Variants in NPAS3 observed in about 807,000 individuals in gnomAD.
NPAS3 encodes the protein neuronal PAS domain-containing protein 3.
NPAS3 carries 14 observed loss-of-function variants against 73.1 expected under a neutral mutation model. The ratio of observed to expected loss-of-function variants is 0.19; its 90% CI spans 0.13 to 0.30. The LOEUF is 0.30. Ranked by LOEUF, NPAS3 falls within the 10% of genes least tolerant of loss-of-function variation. The pLI, the probability that NPAS3 is intolerant of heterozygous loss-of-function variation, is 1.00. For missense variants in NPAS3, 1,096 were observed against 1,250.0 expected, an observed-to-expected ratio of 0.88 and a Z score of 1.86; for synonymous variants, 620 against 541.5, an observed-to-expected ratio of 1.14 and a Z score of -2.01.
rs560915809 is a variant in NPAS3, at chr14:33,131,599, C to T, written c.140+75605C>T. On this transcript the variant is annotated intron_variant, in intron 2 of 11. Transcript: ENST00000356141. ...AGAGAAACAGCTATTAGTTTATAGT[C>T]CCTTTTTTGTCATCTAATAATCCTA... Among the ~76,000 whole-genome samples the T allele has an allele frequency of 1.7e-4, 26 of 152,214 alleles. No homozygotes were observed. In the South Asian group the frequency reaches 5.4e-3, roughly 32 times the overall value.
chr14:32,974,178 A>G (rs536937874), intron 1 of NPAS3, among the ~76,000 whole-genome samples: 2 of 152,330 alleles, frequency 1.3e-5, no homozygotes, highest in South Asian at 2.1e-4. Flanking sequence ...CTAAGTGACA[A>G]AAGAAGTTAT....
chr14:33,472,534 G>C (rs950398150), intron 4 of NPAS3, among the ~76,000 whole-genome samples: 1 of 151,528 alleles, frequency 6.6e-6, no homozygotes, highest in Non-Finnish European at 1.5e-5. Context: ...CTAACAGACT[G>C]TTGAGAATAG....
intron 2 of NPAS3, among the ~76,000 whole-genome samples, chr14:33,133,103 C>G (rs539065542): frequency 1.5e-4 from 23 of 152,258 alleles, no homozygotes; most frequent in African/African-American, 4.3e-4. Flanking sequence ...TATCTGTATT[C>G]TGTCCAGTAG....
Position 33,800,457 on chromosome 14 carries a change from C to A in NPAS3, c.2150C>A (p.Thr717Asn). The A allele has an allele frequency of 7.2e-6, 11 of 1,524,258 alleles. No individual in the cohort carries two copies. Among genetic ancestry groups the A allele is most frequent in the Non-Finnish European group, 8.8e-6 (10 of 1,141,938 alleles). The allele number at this position is 1,524,258 out of a possible 1,614,324, so 94.4% of individuals were successfully genotyped here. A position where few individuals can be genotyped will look rare whatever the true frequency, so the allele number is the denominator to read the frequency against. Reference sequence around the variant, plus strand: ...GTGGCCATTCCCGACTCGGTCCTCACCCCGCCCGGCGCCGACGGCGCGGCC... The same window carrying A: ...GTGGCCATTCCCGACTCGGTCCTCAACCCGCCCGGCGCCGACGGCGCGGCC... The change falls in exon 12 of 12, where the codon ACC (threonine) becomes AAC (asparagine). Residue 717 changes from threonine to asparagine, a missense_variant. Thr to Asn is a moderately conservative substitution (Grantham distance 65, BLOSUM62 0). Coordinates refer to ENST00000356141, the Ensembl canonical transcript of NPAS3. The surrounding 1 kb of genome is among the most constrained non-coding windows in gnomAD (Gnocchi z 6.5).
At chr14:33,378,964 T>C (rs72680140) in intron 4 of NPAS3, among the ~76,000 whole-genome samples, 29,578 of 152,198 alleles carry the variant, frequency 0.19, 3,754 homozygotes, top group Non-Finnish European at 0.29. Context: ...GCTTCAAAGA[T>C]GAAACTTTTT....
chr14:33,135,110 T>C (rs1481961464), intron 2 of NPAS3, among the ~76,000 whole-genome samples: 1 of 152,220 alleles, frequency 6.6e-6, no homozygotes, highest in Non-Finnish European at 1.5e-5. Flanking sequence ...TGTAATCCTG[T>C]CTATTGTGAA....
chr14:33,333,450 C>T (rs2140284412), intron 3 of NPAS3, among the ~76,000 whole-genome samples: 1 of 152,214 alleles, frequency 6.6e-6, no homozygotes, highest in South Asian at 2.1e-4. Context: ...CACATGCAAA[C>T]CTTATGAAGT....
intron 3 of NPAS3, among the ~76,000 whole-genome samples, chr14:33,324,472 C>T (rs2043600799): frequency 6.6e-6 from 1 of 152,156 alleles, no homozygotes; most frequent in East Asian, 1.9e-4. Flanking sequence ...TCGGATTGCC[C>T]TTTCAGGATT....
intron 6 of NPAS3, among the ~76,000 whole-genome samples, chr14:33,726,169 T>C (rs1001156910): frequency 2.0e-5 from 3 of 152,226 alleles, no homozygotes; most frequent in African/African-American, 7.2e-5. Flanking sequence ...AAATGTATCA[T>C]TTATTCACTG....
At chr14:33,498,976 G>A (rs1292502867) in intron 4 of NPAS3, among the ~76,000 whole-genome samples, 2 of 150,140 alleles carry the variant, frequency 1.3e-5, no homozygotes, top group African/African-American at 4.9e-5. Flanking sequence ...GTGTGTGTGT[G>A]TGTGTGTGTG....
At chr14:33,022,419 C>G (rs1274132306) in intron 1 of NPAS3, among the ~76,000 whole-genome samples, 4 of 152,108 alleles carry the variant, frequency 2.6e-5, no homozygotes, top group Non-Finnish European at 5.9e-5. Flanking sequence ...AATCCCAGCA[C>G]TTTGGGAGGC....
chr14:33,717,528 T>A (rs915820345), intron 6 of NPAS3, among the ~76,000 whole-genome samples: 25 of 152,158 alleles, frequency 1.6e-4, no homozygotes, highest in African/African-American at 6.0e-4. Context: ...TAATAAATAC[T>A]CATTTCATAA....
chr14:33,092,820 C>A (rs1411868741), intron 2 of NPAS3, among the ~76,000 whole-genome samples: 3 of 152,168 alleles, frequency 2.0e-5, no homozygotes, highest in Non-Finnish European at 1.5e-5. Flanking sequence ...CAACACACAT[C>A]TACAACCATC....
chr14:32,945,260 A>C (rs950708950), intron 1 of NPAS3, among the ~76,000 whole-genome samples: 1 of 152,210 alleles, frequency 6.6e-6, no homozygotes, highest in Non-Finnish European at 1.5e-5. Context: ...CTCCTGGAGG[A>C]CAGAGAGAGA....
At chr14:33,432,637 G>T (rs758754660) in intron 4 of NPAS3, among the ~76,000 whole-genome samples, 5 of 152,048 alleles carry the variant, frequency 3.3e-5, no homozygotes, top group African/African-American at 9.7e-5. Flanking sequence ...TCACATGCAC[G>T]CATATATTTA....
intron 2 of NPAS3, among the ~76,000 whole-genome samples, chr14:33,057,269 G>A (rs187506626): frequency 5.1e-4 from 78 of 152,040 alleles, no homozygotes; most frequent in South Asian, 2.1e-3. Flanking sequence ...AGTTTTATCC[G>A]AACTGGTATA....
chr14:33,641,441 A>G (rs1567079491), intron 5 of NPAS3, among the ~76,000 whole-genome samples: 1 of 152,230 alleles, frequency 6.6e-6, no homozygotes, highest in Non-Finnish European at 1.5e-5. Context: ...AGATTAGCCT[A>G]CCTAACAAAC....
At chr14:33,449,440 C>G (rs892758155) in intron 4 of NPAS3, among the ~76,000 whole-genome samples, 2 of 152,078 alleles carry the variant, frequency 1.3e-5, no homozygotes, top group Admixed American at 1.3e-4. Context: ...GTAGTTGCAA[C>G]GGAGGATGTA....
chr14:33,369,257 C>A (rs1361138856), intron 4 of NPAS3, among the ~76,000 whole-genome samples: 1 of 151,598 alleles, frequency 6.6e-6, no homozygotes, highest in Non-Finnish European at 1.5e-5. Context: ...CAGCTGGATG[C>A]CATTTGGAGT....
Sources: allele counts gnomAD v4.1 joint callset (sites outside exome capture counted in the v4.1 genomes callset), GRCh38; gene constraint gnomAD v4.1.1; non-coding constraint Gnocchi (gnomAD v3.1); transcripts MANE v1.5; gene names NCBI Gene and HGNC (gene_info 2026-07-23, HGNC 2026-07-21).